The following FBXL17 variants were observed in gnomAD, a reference collection of about 807,000 sequenced individuals.
FBXL17 encodes F-box and leucine rich repeat protein 17.
A neutral mutation model predicts 66.2 loss-of-function variants in FBXL17; 22 were observed. That is an observed-to-expected ratio of 0.33 (90% CI 0.24 to 0.47). The LOEUF (loss-of-function observed/expected upper bound fraction) is 0.47. FBXL17 is among the 20% of genes least tolerant of loss of function. The pLI, the probability that FBXL17 is intolerant of heterozygous loss-of-function variation, is 1.00. For synonymous variants in FBXL17, 474 were observed against 400.5 expected (o/e 1.18, Z -2.19); for missense variants, 878 against 948.2 (o/e 0.93, Z 0.97).
intron 7 of FBXL17, among the ~76,000 whole-genome samples, chr5:107,919,901 C>T (rs912302809): frequency 6.6e-6 from 1 of 152,160 alleles, no homozygotes; most frequent in Non-Finnish European, 1.5e-5. Context: ...TTTTGCTTTT[C>T]TTCAGCGCTT....
intron 3 of FBXL17, among the ~76,000 whole-genome samples, chr5:108,354,573 C>A (rs1650087953): frequency 6.6e-6 from 1 of 151,846 alleles, no homozygotes; most frequent in African/African-American, 2.4e-5. Context: ...ACATTTGAAG[C>A]ACTCCTGACT....
rs397882564 is a variant in FBXL17, at chr5:108,294,282, GAA to G, written c.1506+54115_1506+54116del. ...TTCAGAACATATATATATATATACT[GAA>G]AAAAAAAAATATATATATATACACT... On this transcript the variant is annotated intron_variant, in intron 4 of 8. Coordinates refer to ENST00000542267, the MANE Select transcript of FBXL17 (RefSeq NM_001163315.3). 3.3e-3 allele frequency among the ~76,000 whole-genome samples: 447 copies of G among 136,864 alleles called. 1 individual carries two copies. The highest frequency in any genetic ancestry group is 9.8e-3 in the African/African-American group (370 of 37,826). The allele number at this position is 136,864 out of a possible 152,430, so 89.8% of individuals were successfully genotyped here. A position where few individuals can be genotyped will look rare whatever the true frequency, so the allele number is the denominator to read the frequency against.
At chr5:107,890,969 T>A (rs1206517313) in intron 7 of FBXL17, among the ~76,000 whole-genome samples, 1 of 152,188 alleles carries the variant, frequency 6.6e-6, no homozygotes, top group Non-Finnish European at 1.5e-5. Flanking sequence ...CCTGGTCTTG[T>A]GGAGCTTGTA....
intron 4 of FBXL17, among the ~76,000 whole-genome samples, chr5:108,250,126 C>T (rs1756279725): frequency 6.6e-6 from 1 of 152,080 alleles, no homozygotes; most frequent in Non-Finnish European, 1.5e-5. Flanking sequence ...CTTGGCACTG[C>T]AACTGCTACC....
chr5:108,100,188 A>C (rs1749546657), intron 6 of FBXL17, among the ~76,000 whole-genome samples: 1 of 152,194 alleles, frequency 6.6e-6, no homozygotes, highest in South Asian at 2.1e-4. Flanking sequence ...ATAGCATACA[A>C]ATTTTTAAAG....
chr5:108,126,931 T>A (rs1356743406), intron 6 of FBXL17, among the ~76,000 whole-genome samples: 1 of 151,932 alleles, frequency 6.6e-6, no homozygotes. Flanking sequence ...AAAATCTCAG[T>A]ACTCACTGAA....
rs73780458 is a variant in FBXL17 at position 107,919,525 on chromosome 5, C to T, written c.1823-38346G>A. ...GGTAAGGCCATAAAGGCTTTTTACA[C>T]GCTCCAGTGTCTTTTACCTCCAGAT... On this transcript the variant is annotated intron_variant, in intron 7 of 8. Transcript: ENST00000542267. 4.4e-3 allele frequency among the ~76,000 whole-genome samples: 675 copies of T among 152,278 alleles called. 22 individuals carry two copies. Among genetic ancestry groups the T allele is most frequent in the Admixed American group, 0.035 (542 of 15,294 alleles).
intron 4 of FBXL17, among the ~76,000 whole-genome samples, chr5:108,336,749 C>G (rs1347858684): frequency 4.6e-5 from 7 of 152,096 alleles, no homozygotes; most frequent in African/African-American, 1.4e-4. Flanking sequence ...CTTCTTCAAA[C>G]TATCATTGCC....
chr5:108,014,825 T>C (rs1754318531), intron 7 of FBXL17, among the ~76,000 whole-genome samples: 1 of 152,212 alleles, frequency 6.6e-6, no homozygotes, highest in Admixed American at 6.5e-5. Context: ...TCCATGTGAC[T>C]GGGGAAGCCT....
At chr5:107,975,928 G>C (rs1435850589) in intron 7 of FBXL17, among the ~76,000 whole-genome samples, 2 of 142,886 alleles carry the variant, frequency 1.4e-5, no homozygotes, top group Non-Finnish European at 3.0e-5. Flanking sequence ...GTGCGATCTT[G>C]CCTCACTGCA....
chr5:108,024,281 G>T (rs1362123236), intron 6 of FBXL17, among the ~76,000 whole-genome samples: 3 of 152,090 alleles, frequency 2.0e-5, no homozygotes, highest in African/African-American at 7.2e-5. Flanking sequence ...AAATGCTGAG[G>T]AATATCAAAT....
In FBXL17 at chr5:108,350,409, C is replaced by T. The variant is rs545730987; in HGVS notation, c.1375-1879G>A. Among the ~76,000 whole-genome samples the T allele has an allele frequency of 2.6e-5, 4 of 152,206 alleles. No individual in the cohort carries two copies. In the South Asian group the frequency reaches 6.2e-4, roughly 24 times the overall value. On this transcript the variant is annotated intron_variant, in intron 3 of 8. Transcript: ENST00000542267. ...TGCTGAAAATATGGGGATTTGTGAACGTTTATACAGTGAAAACGGAGGAAT... is the reference window on the plus strand; with the variant it reads ...TGCTGAAAATATGGGGATTTGTGAATGTTTATACAGTGAAAACGGAGGAAT...
At chr5:108,150,295 T>G (rs2149995292) in intron 6 of FBXL17, among the ~76,000 whole-genome samples, 1 of 152,198 alleles carries the variant, frequency 6.6e-6, no homozygotes, top group South Asian at 2.1e-4. Context: ...CTTCAATCTC[T>G]CAGGTCCAAG....
chr5:108,129,880 T>C (rs911669398), intron 6 of FBXL17, among the ~76,000 whole-genome samples: 3 of 151,902 alleles, frequency 2.0e-5, no homozygotes, highest in Non-Finnish European at 2.9e-5. Flanking sequence ...CTGCTGCAGT[T>C]CTTTTTTTAA....
At chr5:107,927,360 TG>T (rs1299119758) in intron 7 of FBXL17, among the ~76,000 whole-genome samples, 1 of 152,154 alleles carries the variant, frequency 6.6e-6, no homozygotes, top group Non-Finnish European at 1.5e-5. Flanking sequence ...ATGGCTACTC[TG>T]ACTCTAGAGT....
At chr5:108,355,637 G>A (rs570373312) in intron 3 of FBXL17, among the ~76,000 whole-genome samples, 1 of 152,092 alleles carries the variant, frequency 6.6e-6, no homozygotes, top group Non-Finnish European at 1.5e-5. Context: ...CTGTGATGCA[G>A]TACAAAGTTA....
intron 7 of FBXL17, among the ~76,000 whole-genome samples, chr5:108,019,655 A>ACACACACACACTCT (rs902076426): frequency 6.6e-6 from 1 of 151,302 alleles, no homozygotes; most frequent in African/African-American, 2.4e-5. Flanking sequence ...ACACACATAC[A>ACACACACACACTCT]CACACACACA....
intron 6 of FBXL17, among the ~76,000 whole-genome samples, chr5:108,110,933 C>T (rs1163030335): frequency 6.6e-6 from 1 of 152,016 alleles, no homozygotes; most frequent in African/African-American, 2.4e-5. Flanking sequence ...AGGTACTAAG[C>T]CTCCCTTTCC....
intron 7 of FBXL17, among the ~76,000 whole-genome samples, chr5:107,903,905 G>C (rs1224655742): frequency 1.3e-5 from 2 of 152,074 alleles, no homozygotes; most frequent in Non-Finnish European, 2.9e-5. Flanking sequence ...GAGGCCATTA[G>C]AGCACCATGT....
Sources: gnomAD v4.1 joint callset for allele counts (sites outside exome capture counted in the v4.1 genomes callset) on GRCh38, gnomAD v4.1.1 for gene constraint, MANE v1.5 for transcripts, NCBI Gene and HGNC (gene_info 2026-07-23, HGNC 2026-07-21) for gene names.